LRMDA: variants seen among roughly 807,000 people sequenced by gnomAD.
LRMDA encodes leucine-rich melanocyte differentiation-associated protein.
Under a neutral mutation model 29.8 loss-of-function variants are expected in LRMDA, and 18 were observed. That is an observed-to-expected ratio of 0.60 (90% CI 0.42 to 0.90). The LOEUF is 0.90. LRMDA is among the 40% of genes least tolerant of loss of function. LRMDA has a pLI of 0.00. For missense variants in LRMDA, 273 were observed against 273.9 expected (o/e 1.00, Z 0.02); for synonymous variants, 125 against 109.4 (o/e 1.14, Z -0.89).
chr10:75,716,762 C>A (rs1292341862), intron 2 of LRMDA, among the ~76,000 whole-genome samples: 1 of 152,086 alleles, frequency 6.6e-6, no homozygotes, highest in Non-Finnish European at 1.5e-5. Flanking sequence ...TTTCAGGAGC[C>A]CATTTACTCC....
At chr10:75,665,222 C>T (rs964606759) in intron 2 of LRMDA, among the ~76,000 whole-genome samples, 21 of 152,152 alleles carry the variant, frequency 1.4e-4, no homozygotes, top group Admixed American at 1.4e-3. Context: ...AGAATTCTGG[C>T]CTTTTAGAAT....
chr10:75,692,468 CAT>C (rs1842179319), intron 2 of LRMDA, among the ~76,000 whole-genome samples: 1 of 150,312 alleles, frequency 6.7e-6, no homozygotes, highest in Non-Finnish European at 1.5e-5. Flanking sequence ...TGTATACACA[CAT>C]ACACATACAC....
In LRMDA at chr10:76,557,069, G is replaced by C. The variant is rs1018701825; in HGVS notation, c.602-140G>C. 1.6e-4 allele frequency: 106 copies of C among 674,190 alleles called. 2 individuals carry two copies. The Admixed American group carries it at 2.5e-3, about 16-fold the overall frequency. The allele number at this position is 674,190 out of a possible 1,614,324, so 41.8% of individuals were successfully genotyped here. On this transcript the variant is annotated intron_variant, in intron 6 of 6. Coordinates refer to ENST00000611255, the MANE Select transcript of LRMDA (RefSeq NM_001305581.2). Reference sequence around the variant, plus strand: ...TTGTCTGTGAGGACAAAAAGGGAGAGTTCTTCCCTTCTGGAGCTTCATCCA... The same window carrying C: ...TTGTCTGTGAGGACAAAAAGGGAGACTTCTTCCCTTCTGGAGCTTCATCCA...
At chr10:75,929,498 A>G (rs1846175186) in intron 2 of LRMDA, among the ~76,000 whole-genome samples, 1 of 152,188 alleles carries the variant, frequency 6.6e-6, no homozygotes, top group African/African-American at 2.4e-5. Context: ...ACTGAGTCTT[A>G]CAGAAGCTAA....
Position 76,118,735 on chromosome 10 carries a change from A to G in LRMDA, c.516+59952A>G, listed in dbSNP as rs80077069. ...TTTGCATTAAAAACATCACAATCATATCTTTTTTATCCTGTTATTTATTTT... is the reference window on the plus strand; with the variant it reads ...TTTGCATTAAAAACATCACAATCATGTCTTTTTTATCCTGTTATTTATTTT... On this transcript the variant is annotated intron_variant, in intron 5 of 6. Transcript: ENST00000611255. Among the ~76,000 whole-genome samples, 565 of 150,612 alleles carry G rather than the reference A, an allele frequency of 3.8e-3. 5 individuals carry two copies. The highest frequency in any genetic ancestry group is 0.013 in the African/African-American group (537 of 40,884).
At chr10:75,771,531 G>A (rs1419229660) in intron 2 of LRMDA, among the ~76,000 whole-genome samples, 2 of 152,148 alleles carry the variant, frequency 1.3e-5, no homozygotes, top group South Asian at 2.1e-4. Context: ...GGAGGTCAGT[G>A]TGGCTGGTGA....
chr10:76,156,429 CCAAA>C (rs958091774), intron 5 of LRMDA, among the ~76,000 whole-genome samples: 1 of 152,256 alleles, frequency 6.6e-6, no homozygotes, highest in Non-Finnish European at 1.5e-5. Context: ...ATTATTCTTT[CCAAA>C]CAGTGTCATA....
chr10:76,121,100 C>G (rs868085897), intron 5 of LRMDA, among the ~76,000 whole-genome samples: 13 of 151,222 alleles, frequency 8.6e-5, no homozygotes, highest in African/African-American at 3.2e-4. Context: ...CTCACACCAC[C>G]CGCACGTAGG....
At chr10:76,208,388 G>A (rs1851575283) in intron 5 of LRMDA, among the ~76,000 whole-genome samples, 1 of 152,160 alleles carries the variant, frequency 6.6e-6, no homozygotes, top group South Asian at 2.1e-4. Context: ...CCCTAAACTG[G>A]AAATTGGCGG....
chr10:75,724,788 G>C (rs1197822895), intron 2 of LRMDA, among the ~76,000 whole-genome samples: 1 of 152,172 alleles, frequency 6.6e-6, no homozygotes, highest in Non-Finnish European at 1.5e-5. Context: ...CGGCTGTTTT[G>C]TATTGCTGGT....
intron 3 of LRMDA, among the ~76,000 whole-genome samples, chr10:76,045,337 T>C (rs766469949): frequency 1.3e-5 from 2 of 149,898 alleles, no homozygotes; most frequent in Non-Finnish European, 3.0e-5. Context: ...CCCCCTCTTG[T>C]TAGTTTCCTC....
intron 2 of LRMDA, among the ~76,000 whole-genome samples, chr10:75,954,184 C>T (rs1269571113): frequency 1.3e-5 from 2 of 152,124 alleles, no homozygotes; most frequent in African/African-American, 4.8e-5. Flanking sequence ...GCGATCTTTT[C>T]CCCCAGCGTA....
intron 4 of LRMDA, among the ~76,000 whole-genome samples, chr10:76,051,238 G>A (rs1848526981): frequency 6.6e-6 from 1 of 152,170 alleles, no homozygotes; most frequent in Non-Finnish European, 1.5e-5. Context: ...CTACAATCTG[G>A]GCTTTGAAGA....
chr10:75,488,125 A>C (rs186594161), intron 2 of LRMDA, among the ~76,000 whole-genome samples: 1 of 152,030 alleles, frequency 6.6e-6, no homozygotes, highest in Non-Finnish European at 1.5e-5. Context: ...GAGGATGCTA[A>C]ATGGTGTATG....
At chr10:75,834,380 T>C (rs909256306) in intron 2 of LRMDA, among the ~76,000 whole-genome samples, 1 of 152,204 alleles carries the variant, frequency 6.6e-6, no homozygotes, top group Non-Finnish European at 1.5e-5. Flanking sequence ...TTCTGAGTTA[T>C]TTGCCAAAGG....
At position 75,776,106 on chromosome 10, in the gene LRMDA, C is replaced by A. The variant is rs75775498; in HGVS notation, c.132-259902C>A. On this transcript the variant is annotated intron_variant, in intron 2 of 6. Transcript: ENST00000611255. ...AACTCAAGGAGAAGCAGAGAAGAAGCTATTTACAACTTCCTTTATTATTGA... is the reference window on the plus strand; with the variant it reads ...AACTCAAGGAGAAGCAGAGAAGAAGATATTTACAACTTCCTTTATTATTGA... Among the ~76,000 whole-genome samples, 708 of 152,316 alleles carry A rather than the reference C, an allele frequency of 4.6e-3. 3 individuals carry two copies. The highest frequency in any genetic ancestry group is 7.9e-3 in the Non-Finnish European group (535 of 68,028).
intron 2 of LRMDA, among the ~76,000 whole-genome samples, chr10:75,565,959 C>A (rs745930774): frequency 6.6e-6 from 1 of 152,066 alleles, no homozygotes; most frequent in South Asian, 2.1e-4. Flanking sequence ...TCTGTGGTCC[C>A]GGCTTCTTGG....
At chr10:75,530,722 C>T (rs1427606551) in intron 2 of LRMDA, among the ~76,000 whole-genome samples, 1 of 152,144 alleles carries the variant, frequency 6.6e-6, no homozygotes, top group African/African-American at 2.4e-5. Flanking sequence ...TGGGGAAGAA[C>T]ATGGGGCCAC....
chr10:75,702,179 C>T (rs1842315929), intron 2 of LRMDA, among the ~76,000 whole-genome samples: 1 of 152,184 alleles, frequency 6.6e-6, no homozygotes, highest in African/African-American at 2.4e-5. Flanking sequence ...GCTCCCAGAG[C>T]ATCTTGAATG....
Sources: allele counts gnomAD v4.1 joint callset (sites outside exome capture counted in the v4.1 genomes callset), GRCh38; gene constraint gnomAD v4.1.1; transcripts MANE v1.5; gene names NCBI Gene and HGNC (gene_info 2026-07-23, HGNC 2026-07-21).